CDR2: variants seen among roughly 807,000 people sequenced by gnomAD.
CDR2 encodes cerebellar degeneration-related protein 2.
In CDR2, 34 loss-of-function variants were observed where a neutral mutation model predicts 48.4. The observed-to-expected ratio is 0.70, with a 90% confidence interval of 0.53 to 0.94. CDR2 has a LOEUF of 0.94. Ranked by LOEUF, CDR2 falls within the 40% of genes least tolerant of loss-of-function variation. CDR2 has a pLI of 0.00. For missense variants in CDR2, 498 were observed against 549.5 expected (o/e 0.91, Z 0.94); for synonymous variants, 240 against 219.7 (o/e 1.09, Z -0.82).
intron 1 of CDR2, among the ~76,000 whole-genome samples, chr16:22,366,218 T>C (rs964719104): frequency 5.9e-5 from 9 of 152,176 alleles, no homozygotes; most frequent in African/African-American, 2.2e-4. Context: ...ACTCACATAC[T>C]GTGATAAACA....
intron 3 of CDR2, 82 bp downstream of exon 3, chr16:22,349,619 A>G (rs1183815652): frequency 5.4e-6 from 8 of 1,483,056 alleles, no homozygotes; most frequent in Middle Eastern, 1.8e-4. Flanking sequence ...ATTGACCCAA[A>G]CCCACTGCAG....
intron 2 of CDR2, among the ~76,000 whole-genome samples, chr16:22,350,806 A>G (rs1823960763): frequency 6.6e-6 from 1 of 152,214 alleles, no homozygotes; most frequent in South Asian, 2.1e-4. Context: ...CTTAAGACAA[A>G]AAACATGGAA....
intron 1 of CDR2, among the ~76,000 whole-genome samples, chr16:22,374,024 A>G (rs553224781): frequency 9.8e-5 from 15 of 152,298 alleles, no homozygotes; most frequent in Non-Finnish European, 2.2e-4. Context: ...CTGATATTCA[A>G]CTGCGCATTA....
chr16:22,347,658 C>G lies in CDR2; in HGVS notation c.672G>C (p.Gly224=). Residue 224 remains glycine (G), a synonymous_variant, in exon 5 of 5, where the codon GGG becomes GGC. Transcript: ENST00000268383. ...QKRVTMEEEY[G]LVLKENSELE... is the part of the protein sequence containing the mutation. ...GTTCACTGTTCTCCTTTAACACGAG[C>G]CCATATTCCTCCTCCATAGTCACCC... 6.2e-7 allele frequency: 1 copy of G among 1,614,080 alleles called. No individual in the cohort carries two copies. Among genetic ancestry groups the G allele is most frequent in the Non-Finnish European group, 8.5e-7 (1 of 1,180,032 alleles).
At chr16:22,364,490 T>A (rs1413239356) in intron 2 of CDR2, among the ~76,000 whole-genome samples, 1 of 152,054 alleles carries the variant, frequency 6.6e-6, no homozygotes, top group Non-Finnish European at 1.5e-5. Context: ...GTGTGGGCAG[T>A]CTTCTTTTTT....
chr16:22,354,363 T>C (rs1033021610), intron 2 of CDR2, among the ~76,000 whole-genome samples: 3 of 152,204 alleles, frequency 2.0e-5, no homozygotes, highest in African/African-American at 7.2e-5. Context: ...TCTCCCTGCA[T>C]AGGGCTCAGC....
chr16:22,349,616 C>A, intron 3 of CDR2, 85 bp downstream of exon 3: 3 of 1,477,422 alleles, frequency 2.0e-6, no homozygotes, highest in Non-Finnish European at 2.8e-6. Flanking sequence ...CATATTGACC[C>A]AAACCCACTG....
intron 2 of CDR2, among the ~76,000 whole-genome samples, chr16:22,351,603 T>C (rs947307503): frequency 1.3e-5 from 2 of 152,214 alleles, no homozygotes; most frequent in African/African-American, 4.8e-5. Flanking sequence ...TGACGAGAAA[T>C]ATATTTTAGC....
chr16:22,348,065 G>GT (rs1262215874), intron 4 of CDR2, among the ~76,000 whole-genome samples: 1 of 152,082 alleles, frequency 6.6e-6, no homozygotes, highest in African/African-American at 2.4e-5. Flanking sequence ...AGCCTCCCGA[G>GT]TAACTGGGAT....
intron 2 of CDR2, among the ~76,000 whole-genome samples, chr16:22,354,753 G>A (rs1274858545): frequency 6.6e-6 from 1 of 151,830 alleles, no homozygotes; most frequent in East Asian, 1.9e-4. Context: ...AATTAGTTAG[G>A]CATGGTGGCA....
intron 1 of CDR2, among the ~76,000 whole-genome samples, chr16:22,373,394 C>T (rs141683854): frequency 2.0e-5 from 3 of 152,288 alleles, no homozygotes; most frequent in African/African-American, 4.8e-5. Context: ...AACAGCTTAA[C>T]GCCCAACTGA....
intron 1 of CDR2, 83 bp from the exon 2 acceptor site, chr16:22,365,097 T>C (rs1353473676): frequency 6.6e-6 from 6 of 915,074 alleles, no homozygotes; most frequent in African/African-American, 1.6e-5. Context: ...AAAAAGAACA[T>C]GTAGTTTAAG....
chr16:22,365,405 G>A (rs1244728123), intron 1 of CDR2, among the ~76,000 whole-genome samples: 1 of 152,120 alleles, frequency 6.6e-6, no homozygotes, highest in African/African-American at 2.4e-5. Context: ...AATCTTTAAA[G>A]TTCCCATGAA....
intron 1 of CDR2, among the ~76,000 whole-genome samples, chr16:22,369,785 CTAAA>C (rs1439275798): frequency 2.6e-5 from 4 of 151,170 alleles, no homozygotes; most frequent in African/African-American, 9.7e-5. Context: ...AGAAAGTTTT[CTAAA>C]TAATTAGTGG....
chr16:22,373,903 T>G (rs1203827573), intron 1 of CDR2, among the ~76,000 whole-genome samples: 1 of 152,200 alleles, frequency 6.6e-6, no homozygotes, highest in East Asian at 1.9e-4. Flanking sequence ...CGGGACACAC[T>G]GGCTCACCCG....
chr16:22,364,941 C>G lies in CDR2; in HGVS notation c.153G>C (p.Gln51His), dbSNP rs1165663589. 1.9e-6 allele frequency: 3 copies of G among 1,613,450 alleles called. No individual in the cohort carries two copies. The highest frequency in any genetic ancestry group is 2.5e-6 in the Non-Finnish European group (3 of 1,179,384). The part of the protein sequence containing the change: ...RNTELEDSVQ[Q>H]MYTTNQEQLQ... Reference sequence around the variant, plus strand: ...ACTGCTCCTGATTGGTTGTATACATCTGCTGAACAGAGTCCTCCAACTCTG... The same window carrying G: ...ACTGCTCCTGATTGGTTGTATACATGTGCTGAACAGAGTCCTCCAACTCTG... Residue 51 changes from glutamine to histidine, a missense_variant, in exon 2 of 5, where the codon CAG (glutamine) becomes CAC (histidine). By Grantham distance (24) the Gln-to-His change is conservative (BLOSUM62 0). Transcript: ENST00000268383.
chr16:22,349,065 C>A, intron 4 of CDR2: 1 of 485,234 alleles, frequency 2.1e-6, no homozygotes. Flanking sequence ...ACATTAAAAA[C>A]ACTGAAATAA....
intron 2 of CDR2, among the ~76,000 whole-genome samples, chr16:22,354,808 C>A (rs2048963641): frequency 6.6e-6 from 1 of 152,032 alleles, no homozygotes. Context: ...GCATGAGAAT[C>A]ACTTGAACCC....
chr16:22,356,940 CAAAAAAAA>C (rs1047380020), intron 2 of CDR2, among the ~76,000 whole-genome samples: 21 of 28,878 alleles, frequency 7.3e-4, no homozygotes, highest in African/African-American at 2.4e-3. Context: ...GACTCCATCT[CAAAAAAAA>C]AAAAGAAAAA....
Sources: allele counts gnomAD v4.1 joint callset (sites outside exome capture counted in the v4.1 genomes callset), GRCh38; gene constraint gnomAD v4.1.1; transcripts MANE v1.5; gene names NCBI Gene and HGNC (gene_info 2026-07-23, HGNC 2026-07-21).